LCOR: variants seen among roughly 807,000 people sequenced by gnomAD.
LCOR encodes ligand-dependent corepressor.
LCOR carries 14 observed loss-of-function variants against 64.4 expected under a neutral mutation model. The observed-to-expected ratio is 0.22, with a 90% CI of 0.14 to 0.34. The LOEUF (loss-of-function observed/expected upper bound fraction) is 0.34, where lower values mean the gene tolerates loss of function less well. LCOR is among the 10% of genes least tolerant of loss of function. LCOR has a pLI of 1.00. For synonymous variants in LCOR, 643 were observed against 642.5 expected, an observed-to-expected ratio of 1.00 and a Z score of -0.01; for missense variants, 1,686 against 1,765.3, an observed-to-expected ratio of 0.96 and a Z score of 0.80.
chr10:96,955,324 T>A, intron 7 of LCOR: 1 of 1,614,072 alleles, frequency 6.2e-7, no homozygotes, highest in Non-Finnish European at 8.5e-7. Context: ...AAAATGGCAC[T>A]TCAAGCAAAA....
intron 2 of LCOR, among the ~76,000 whole-genome samples, chr10:96,902,144 T>C (rs74390774): frequency 6.6e-6 from 1 of 151,358 alleles, no homozygotes; most frequent in South Asian, 2.1e-4. Context: ...AAAAAAAAAA[T>C]ACTATTTCTC....
At chr10:96,881,808 A>G (rs1846267610) in intron 2 of LCOR, among the ~76,000 whole-genome samples, 1 of 152,144 alleles carries the variant, frequency 6.6e-6, no homozygotes, top group South Asian at 2.1e-4. Context: ...TGGTACCATG[A>G]TATTTTATAG....
intron 4 of LCOR, among the ~76,000 whole-genome samples, chr10:96,918,756 C>T (rs758515825): frequency 2.6e-5 from 4 of 152,178 alleles, no homozygotes; most frequent in Non-Finnish European, 5.9e-5. Context: ...TTAAATCAGG[C>T]ATGAATGCCT....
intron 4 of LCOR, among the ~76,000 whole-genome samples, chr10:96,930,249 G>T (rs1233190348): frequency 6.6e-6 from 1 of 152,178 alleles, no homozygotes; most frequent in Non-Finnish European, 1.5e-5. Flanking sequence ...CTATATGTCT[G>T]TCCTTACACC....
chr10:96,871,482 G>A (rs1029104994), intron 2 of LCOR, among the ~76,000 whole-genome samples: 2 of 151,866 alleles, frequency 1.3e-5, no homozygotes, highest in South Asian at 2.1e-4. Context: ...GCACGATCTC[G>A]GCTCAGTGCA....
In LCOR at chr10:96,983,100, G is replaced by A. The variant is rs1488016556; in HGVS notation, c.2640G>A (p.Leu880=). 6.2e-7 allele frequency: 1 copy of A among 1,613,688 alleles called. No individual in the cohort carries two copies. The highest frequency in any genetic ancestry group is 1.1e-5 in the South Asian group (1 of 91,070). Residue 880 remains leucine, a synonymous_variant, in exon 8 of 8, where the codon CTG becomes CTA. Transcript: ENST00000421806. This position sits in a 1 kb window ranked among gnomAD's most constrained non-coding sequence, Gnocchi z 4.5. The stretch of plus-strand genomic sequence containing the variant: ...CTGACAGTTTCCACACGGAAACTCT[G>A]GAGGACACAGAAAAGCCAAGTGTCA... ...LLPDSFHTET[L]EDTEKPSVNE... is the part of the protein sequence containing the mutation.
chr10:96,908,282 C>T (rs772848637), intron 4 of LCOR, among the ~76,000 whole-genome samples: 11 of 152,146 alleles, frequency 7.2e-5, no homozygotes, highest in Non-Finnish European at 1.6e-4. Flanking sequence ...TGAGCCACCG[C>T]GCCCAGCCCA....
At chr10:96,955,849 A>G (rs1357977755) in intron 7 of LCOR, 1 of 1,614,086 alleles carries the variant, frequency 6.2e-7, no homozygotes, top group African/African-American at 1.3e-5. Flanking sequence ...GAGGGGCCAG[A>G]TGTTTCTGTA....
At chr10:96,835,837 T>C (rs1024303059) in intron 2 of LCOR, among the ~76,000 whole-genome samples, 1 of 152,144 alleles carries the variant, frequency 6.6e-6, no homozygotes, top group Non-Finnish European at 1.5e-5. Context: ...TTAGGTTCAG[T>C]TGAATTGGAG....
intron 6 of LCOR, among the ~76,000 whole-genome samples, chr10:96,950,314 CAA>C (rs1051220406): frequency 5.3e-5 from 8 of 152,112 alleles, no homozygotes; most frequent in African/African-American, 1.9e-4. Flanking sequence ...GAACAGCAAA[CAA>C]AACATCTGAG....
At chr10:96,950,430 C>G (rs1214564201) in intron 6 of LCOR, among the ~76,000 whole-genome samples, 2 of 152,034 alleles carry the variant, frequency 1.3e-5, no homozygotes, top group Non-Finnish European at 2.9e-5. Flanking sequence ...TGACTGTTTT[C>G]TTTTCCACAA....
intron 7 of LCOR, chr10:96,962,637 TA>T (rs1253662307): frequency 5.3e-5 from 8 of 152,178 alleles, no homozygotes; most frequent in Admixed American, 4.6e-4. Context: ...CTAGGAAAGA[TA>T]ATAGTCATTG....
chr10:96,944,973 A>C (rs1199886958), intron 5 of LCOR, among the ~76,000 whole-genome samples: 1 of 152,162 alleles, frequency 6.6e-6, no homozygotes, highest in Non-Finnish European at 1.5e-5. Flanking sequence ...AACCTTCAGG[A>C]AAGTTCCCTT....
rs1398872682 is a variant in LCOR at position 96,990,408 on chromosome 10, G to C, written c.*5274G>C. 2.7e-5 allele frequency: 4 copies of C among 150,560 alleles called. No individual in the cohort carries two copies. Among genetic ancestry groups the C allele is most frequent in the Non-Finnish European group, 5.9e-5 (4 of 67,740 alleles). The allele number at this position is 150,560 out of a possible 1,614,324, so 9.3% of individuals were successfully genotyped here. On this transcript the variant is annotated 3_prime_UTR_variant, in exon 8 of 8. Transcript: ENST00000421806. Reference sequence around the variant, plus strand: ...CCAGTTAATTTTTTTTTTTTTTCCAGTTTTAGCAGAAATGAGGTCTCACTG... The same window carrying C: ...CCAGTTAATTTTTTTTTTTTTTCCACTTTTAGCAGAAATGAGGTCTCACTG...
Position 96,983,776 on chromosome 10 carries a change from G to A in LCOR, c.3316G>A (p.Glu1106Lys). The change falls in exon 8 of 8, where the codon GAG becomes AAG. Residue 1106 changes from glutamate (E) to lysine (K), a missense_variant. Physicochemically the swap from Glu to Lys is moderately conservative, Grantham distance 56. This residue lies in a region of LCOR where 1,293 missense variants were observed against 1,410.4 expected (regional missense o/e 0.92). Transcript: ENST00000421806. This position sits in a 1 kb window ranked among gnomAD's most constrained non-coding sequence, Gnocchi z 4.5. ...PKFMEWCAEE[E>K]NQELIANFNA... ...GTTTATGGAATGGTGTGCTGAGGAGGAGAACCAAGAGCTCATCGCCAACTT... is the reference window on the plus strand; with the variant it reads ...GTTTATGGAATGGTGTGCTGAGGAGAAGAACCAAGAGCTCATCGCCAACTT... The A allele has an allele frequency of 6.2e-7, 1 of 1,614,178 alleles. No individual in the cohort carries two copies. Among genetic ancestry groups the A allele is most frequent in the Non-Finnish European group, 8.5e-7 (1 of 1,180,022 alleles).
At chr10:96,935,441 G>A (rs554596029) in intron 4 of LCOR, among the ~76,000 whole-genome samples, 35 of 151,768 alleles carry the variant, frequency 2.3e-4, no homozygotes, top group Non-Finnish European at 3.7e-4. Context: ...AAGCCACTGC[G>A]CCTGGTCATC....
rs181037919 is a variant in LCOR, at chr10:96,939,833, C to T, written c.-183-4280C>T. ...AAAAAATCAGCCGGGCCTGATGGCA[C>T]GCGCCTGTAGTCTCAGCTACTCTGG... On this transcript the variant is annotated intron_variant, in intron 4 of 7. Transcript: ENST00000421806. 1.1e-3 allele frequency among the ~76,000 whole-genome samples: 160 copies of T among 152,262 alleles called. 1 individual carries two copies. The highest frequency in any genetic ancestry group is 3.4e-3 in the Middle Eastern group (1 of 294).
In LCOR at chr10:96,994,032, A is replaced by G. The variant is rs1014301579; in HGVS notation, c.*8898A>G. The G allele has an allele frequency of 6.6e-6, 1 of 151,936 alleles. No individual in the cohort carries two copies. Among genetic ancestry groups the G allele is most frequent in the Non-Finnish European group, 1.5e-5 (1 of 67,994 alleles). The allele number at this position is 151,936 out of a possible 1,614,324, so 9.4% of individuals were successfully genotyped here. On this transcript the variant is annotated 3_prime_UTR_variant, in exon 8 of 8. Transcript: ENST00000421806. ...TCTGCACGCTCCTTCATGTCATAGA[A>G]CTCTAGCAATGGATGAGAAATCTGC... is the stretch of plus-strand genomic sequence containing the variant.
At chr10:96,935,575 C>G (rs917594162) in intron 4 of LCOR, among the ~76,000 whole-genome samples, 1 of 152,206 alleles carries the variant, frequency 6.6e-6, no homozygotes, top group Non-Finnish European at 1.5e-5. Context: ...TGGCTCTCGC[C>G]TGTAATCCAG....
Sources: gnomAD v4.1 joint callset for allele counts (sites outside exome capture counted in the v4.1 genomes callset) on GRCh38, gnomAD v4.1.1 for gene constraint, gnomAD v4.1.1 regional missense constraint, Gnocchi (gnomAD v3.1) non-coding constraint, MANE v1.5 for transcripts, NCBI Gene and HGNC (gene_info 2026-07-23, HGNC 2026-07-21) for gene names.